MYO3A: variants seen among roughly 807,000 people sequenced by gnomAD.
MYO3A encodes the protein myosin-IIIa.
A neutral mutation model predicts 192.7 loss-of-function variants in MYO3A; 180 were observed. The ratio of observed to expected loss-of-function variants is 0.93; its 90% CI spans 0.83 to 1.06. The LOEUF (loss-of-function observed/expected upper bound fraction) is 1.06. Ranked by LOEUF, MYO3A falls within the 50% of genes least tolerant of loss-of-function variation. MYO3A has a pLI of 0.00. For synonymous variants in MYO3A, 628 were observed against 645.3 expected, an observed-to-expected ratio of 0.97 and a Z score of 0.41; for missense variants, 1,896 against 1,905.0, an observed-to-expected ratio of 1.00 and a Z score of 0.09.
At chr10:26,094,925 G>A (rs1836922108) in intron 15 of MYO3A, among the ~76,000 whole-genome samples, 1 of 152,240 alleles carries the variant, frequency 6.6e-6, no homozygotes, top group South Asian at 2.1e-4. Context: ...AGAATTCAAA[G>A]GCTCCTCTGT....
At chr10:25,993,647 T>C (rs1253053320) in intron 4 of MYO3A, among the ~76,000 whole-genome samples, 2 of 152,198 alleles carry the variant, frequency 1.3e-5, no homozygotes, top group African/African-American at 2.4e-5. Flanking sequence ...CTTGTGGGCA[T>C]TTAGTGCTAT....
chr10:26,077,267 A>T (rs1835651594), intron 14 of MYO3A, among the ~76,000 whole-genome samples: 1 of 35,228 alleles, frequency 2.8e-5, no homozygotes, highest in Non-Finnish European at 6.7e-5. Context: ...CAGCTGTTGT[A>T]AAAGGGGTTG....
At chr10:26,156,659 A>G (rs1841139912) in intron 25 of MYO3A, among the ~76,000 whole-genome samples, 1 of 152,220 alleles carries the variant, frequency 6.6e-6, no homozygotes, top group African/African-American at 2.4e-5. Context: ...TTAAACTAAG[A>G]GATGATCCTA....
chr10:25,953,198 T>C (rs935677165), intron 3 of MYO3A, among the ~76,000 whole-genome samples: 2 of 152,082 alleles, frequency 1.3e-5, no homozygotes, highest in African/African-American at 4.8e-5. Context: ...TAGGTCCTTG[T>C]TACACTCATC....
intron 10 of MYO3A, among the ~76,000 whole-genome samples, chr10:26,049,770 G>A (rs540708938): frequency 8.5e-4 from 125 of 146,572 alleles, no homozygotes; most frequent in African/African-American, 3.1e-3. Context: ...TTGCCTTCTG[G>A]GTTCAAGCAA....
chr10:26,038,893 A>G (rs1174320779), intron 10 of MYO3A, among the ~76,000 whole-genome samples: 1 of 152,074 alleles, frequency 6.6e-6, no homozygotes, highest in Non-Finnish European at 1.5e-5. Context: ...ATTTAAATTG[A>G]TGCTTAATTT....
At chr10:26,039,207 ATTTTTTTT>A (rs34416918) in intron 10 of MYO3A, among the ~76,000 whole-genome samples, 2 of 106,856 alleles carry the variant, frequency 1.9e-5, no homozygotes, top group Non-Finnish European at 3.5e-5. Context: ...GGCTCGGCTA[ATTTTTTTT>A]TTTTTTTTTT....
intron 2 of MYO3A, among the ~76,000 whole-genome samples, chr10:25,946,105 A>G (rs1295267473): frequency 6.6e-6 from 1 of 152,202 alleles, no homozygotes; most frequent in East Asian, 1.9e-4. Context: ...TTGAAATTCA[A>G]GATAAAAAAA....
chr10:26,010,777 G>A (rs1256464699), intron 6 of MYO3A, among the ~76,000 whole-genome samples: 1 of 152,040 alleles, frequency 6.6e-6, no homozygotes, highest in Non-Finnish European at 1.5e-5. Flanking sequence ...TCACTAAGTA[G>A]TTTTTAATCC....
intron 6 of MYO3A, among the ~76,000 whole-genome samples, chr10:25,998,416 C>T (rs1840584433): frequency 6.6e-6 from 1 of 152,144 alleles, no homozygotes; most frequent in East Asian, 1.9e-4. Flanking sequence ...TTTTTCTCAC[C>T]TGTGCATTTG....
intron 10 of MYO3A, among the ~76,000 whole-genome samples, chr10:26,044,860 A>G (rs896863813): frequency 1.3e-5 from 2 of 152,242 alleles, no homozygotes; most frequent in Non-Finnish European, 2.9e-5. Context: ...CATGTCAATT[A>G]GCACATAACA....
intron 20 of MYO3A, among the ~76,000 whole-genome samples, chr10:26,135,870 G>A (rs1226344793): frequency 6.7e-6 from 1 of 149,716 alleles, no homozygotes; most frequent in Non-Finnish European, 1.5e-5. Flanking sequence ...GGAGGCTGAG[G>A]CAGAAGAATC....
intron 34 of MYO3A, among the ~76,000 whole-genome samples, chr10:26,203,876 G>C (rs1843788359): frequency 6.6e-6 from 1 of 152,198 alleles, no homozygotes; most frequent in Non-Finnish European, 1.5e-5. Context: ...CTTAGGTTTG[G>C]ATCCTGATCC....
At chr10:26,110,935 G>C (rs913713809) in intron 17 of MYO3A, among the ~76,000 whole-genome samples, 4 of 149,536 alleles carry the variant, frequency 2.7e-5, no homozygotes, top group African/African-American at 9.9e-5. Context: ...CAGTAGTACA[G>C]CTCACTGTAG....
At chr10:25,962,590 T>G (rs955297379) in intron 4 of MYO3A, among the ~76,000 whole-genome samples, 8 of 152,210 alleles carry the variant, frequency 5.3e-5, no homozygotes, top group African/African-American at 1.9e-4. Context: ...TTATGTATAT[T>G]CCTTTCTGCC....
At chr10:25,946,928 G>C (rs559081741) in intron 2 of MYO3A, among the ~76,000 whole-genome samples, 1 of 147,168 alleles carries the variant, frequency 6.8e-6, no homozygotes, top group East Asian at 2.0e-4. Flanking sequence ...GCAATTCAGT[G>C]AGCCTCTTGG....
At chr10:26,197,193 G>T (rs1353292658) in intron 32 of MYO3A, among the ~76,000 whole-genome samples, 1 of 152,182 alleles carries the variant, frequency 6.6e-6, no homozygotes, top group Non-Finnish European at 1.5e-5. Context: ...ACAGATTCAG[G>T]CCAGGGATTT....
chr10:25,948,142 G>C (rs966059200), intron 2 of MYO3A, among the ~76,000 whole-genome samples: 4 of 152,170 alleles, frequency 2.6e-5, no homozygotes, highest in African/African-American at 9.7e-5. Flanking sequence ...TCTGGAGAAA[G>C]AGCATTCTAG....
intron 31 of MYO3A, among the ~76,000 whole-genome samples, chr10:26,185,541 T>C (rs552589637): frequency 1.3e-5 from 2 of 152,096 alleles, no homozygotes; most frequent in Non-Finnish European, 2.9e-5. Flanking sequence ...AGTTTCACCA[T>C]GTTGGCCAGA....
Sources: gnomAD v4.1 joint callset for allele counts (sites outside exome capture counted in the v4.1 genomes callset) on GRCh38, gnomAD v4.1.1 for gene constraint, MANE v1.5 for transcripts, NCBI Gene and HGNC (gene_info 2026-07-23, HGNC 2026-07-21) for gene names.